The following PLPPR5 variants were observed in gnomAD, a reference collection of about 807,000 sequenced individuals.
PLPPR5 encodes the protein phospholipid phosphatase related 5, also known as phospholipid phosphatase-related protein type 5.
A neutral mutation model predicts 33.9 loss-of-function variants in PLPPR5; 16 were observed. The observed-to-expected ratio is 0.47, with a 90% CI of 0.32 to 0.72. The LOEUF (loss-of-function observed/expected upper bound fraction) is 0.72. Ranked by LOEUF, PLPPR5 falls within the 30% of genes least tolerant of loss-of-function variation. PLPPR5 has a pLI of 0.03. For synonymous variants in PLPPR5, 163 were observed against 150.3 expected, an observed-to-expected ratio of 1.08 and a Z score of -0.62; for missense variants, 301 against 406.7, an observed-to-expected ratio of 0.74 and a Z score of 2.23.
chr1:98,998,203 C>T (rs933556166), intron 1 of PLPPR5, among the ~76,000 whole-genome samples: 3 of 152,064 alleles, frequency 2.0e-5, no homozygotes, highest in Admixed American at 6.6e-5. Flanking sequence ...TCCTAAGAGG[C>T]ACAAGAAGGA....
chr1:98,962,708 A>G (rs2101231069), intron 1 of PLPPR5, among the ~76,000 whole-genome samples: 1 of 152,260 alleles, frequency 6.6e-6, no homozygotes, highest in East Asian at 1.9e-4. Context: ...GCAGGGGTGC[A>G]GTTATGGCTC....
chr1:98,944,458 A>G (rs1650483940), intron 3 of PLPPR5, among the ~76,000 whole-genome samples: 1 of 152,204 alleles, frequency 6.6e-6, no homozygotes, highest in South Asian at 2.1e-4. Context: ...TTGAGGTCAG[A>G]GCCCATAGAG....
intron 3 of PLPPR5, among the ~76,000 whole-genome samples, chr1:98,952,279 A>G (rs1650817889): frequency 6.6e-6 from 1 of 151,966 alleles, no homozygotes; most frequent in African/African-American, 2.4e-5. Context: ...AAAAAAAAAA[A>G]AAAAAATCTC....
intron 4 of PLPPR5, among the ~76,000 whole-genome samples, chr1:98,916,088 T>C (rs1293588336): frequency 6.6e-6 from 1 of 152,212 alleles, no homozygotes; most frequent in East Asian, 1.9e-4. Flanking sequence ...AAAAGCCTTT[T>C]CTTTCATAGA....
chr1:98,893,640 T>TTTTTG (rs1439776559), intron 5 of PLPPR5, among the ~76,000 whole-genome samples: 12 of 149,066 alleles, frequency 8.1e-5, no homozygotes, highest in Admixed American at 5.4e-4. Context: ...TTTTTTTTTT[T>TTTTTG]GGGAAATCAA....
At chr1:98,998,801 C>T (rs1334481420) in intron 1 of PLPPR5, among the ~76,000 whole-genome samples, 1 of 152,058 alleles carries the variant, frequency 6.6e-6, no homozygotes, top group Non-Finnish European at 1.5e-5. Flanking sequence ...TAGAGTCTGA[C>T]ATACAGTAAT....
intron 5 of PLPPR5, among the ~76,000 whole-genome samples, chr1:98,899,934 T>C (rs1326312857): frequency 6.6e-6 from 1 of 152,138 alleles, no homozygotes; most frequent in East Asian, 1.9e-4. Flanking sequence ...TGGGTATCCA[T>C]GCACTTTGTC....
chr1:98,933,451 C>T (rs1472226578), intron 3 of PLPPR5, among the ~76,000 whole-genome samples: 1 of 143,922 alleles, frequency 6.9e-6, no homozygotes, highest in East Asian at 2.0e-4. Context: ...CCACTGCACT[C>T]CAGCCTGGGC....
chr1:98,902,061 C>T (rs1437116306), intron 5 of PLPPR5, among the ~76,000 whole-genome samples: 1 of 151,950 alleles, frequency 6.6e-6, no homozygotes, highest in Non-Finnish European at 1.5e-5. Context: ...AGAACACAGA[C>T]CAGTTGTATG....
intron 1 of PLPPR5, among the ~76,000 whole-genome samples, chr1:98,963,891 C>T (rs944635274): frequency 2.6e-5 from 4 of 152,190 alleles, no homozygotes; most frequent in African/African-American, 4.8e-5. Flanking sequence ...AAAACATTCA[C>T]ATCACCCTTT....
At chr1:98,896,853 T>A (rs1280718238) in intron 5 of PLPPR5, among the ~76,000 whole-genome samples, 1 of 151,642 alleles carries the variant, frequency 6.6e-6, no homozygotes, top group East Asian at 1.9e-4. Flanking sequence ...AAAAAAAAAA[T>A]GTTAATTAAG....
At chr1:98,940,407 C>T (rs765228027) in intron 3 of PLPPR5, among the ~76,000 whole-genome samples, 4 of 151,928 alleles carry the variant, frequency 2.6e-5, no homozygotes, top group Non-Finnish European at 4.4e-5. Flanking sequence ...AAGGCTTCAT[C>T]TCCAAATATT....
intron 1 of PLPPR5, among the ~76,000 whole-genome samples, chr1:98,959,409 C>T (rs111899107): frequency 7.0e-4 from 106 of 152,298 alleles, no homozygotes; most frequent in African/African-American, 2.4e-3. Context: ...TTGGCTGCTA[C>T]TATAAGAAAC....
At chr1:98,954,271 G>T (rs1005220758) in intron 2 of PLPPR5, among the ~76,000 whole-genome samples, 26 of 152,150 alleles carry the variant, frequency 1.7e-4, no homozygotes, top group African/African-American at 6.0e-4. Flanking sequence ...CAAGGATGTG[G>T]TACCAATGAA....
intron 5 of PLPPR5, among the ~76,000 whole-genome samples, chr1:98,898,522 G>C (rs1336780871): frequency 6.6e-6 from 1 of 152,140 alleles, no homozygotes; most frequent in African/African-American, 2.4e-5. Flanking sequence ...GTGTTCGAAG[G>C]TTCTACTTTG....
At chr1:98,985,680 T>C (rs1652234266) in intron 1 of PLPPR5, among the ~76,000 whole-genome samples, 1 of 152,032 alleles carries the variant, frequency 6.6e-6, no homozygotes, top group Non-Finnish European at 1.5e-5. Context: ...CTGTACCTCC[T>C]CTGTTTAAAT....
intron 1 of PLPPR5, among the ~76,000 whole-genome samples, chr1:98,994,219 G>T (rs1165384768): frequency 3.3e-5 from 5 of 151,766 alleles, no homozygotes; most frequent in Non-Finnish European, 7.4e-5. Context: ...AGGGGGAAAT[G>T]AAGGGAGAGA....
chr1:98,991,081 T>G (rs959446560), intron 1 of PLPPR5: 1 of 152,120 alleles, frequency 6.6e-6, no homozygotes. Context: ...TCATATATAC[T>G]ACATACAATT....
chr1:98,899,809 C>T (rs1411393222), intron 5 of PLPPR5, among the ~76,000 whole-genome samples: 1 of 152,018 alleles, frequency 6.6e-6, no homozygotes, highest in South Asian at 2.1e-4. Context: ...CAGGTACACA[C>T]CACCACACCC....
Sources: gnomAD v4.1 joint callset for allele counts (sites outside exome capture counted in the v4.1 genomes callset) on GRCh38, gnomAD v4.1.1 for gene constraint, MANE v1.5 for transcripts, NCBI Gene and HGNC (gene_info 2026-07-23, HGNC 2026-07-21) for gene names.